Variants in YTHDC2 observed in about 807,000 individuals in gnomAD.
YTHDC2 encodes 3'-5' RNA helicase YTHDC2.
Under a neutral mutation model 174.9 loss-of-function variants are expected in YTHDC2, and 45 were observed. That is an observed-to-expected ratio of 0.26 (90% CI 0.20 to 0.33). YTHDC2 has a LOEUF of 0.33. Among genes scored for constraint, YTHDC2 ranks in the 10% least tolerant of loss-of-function variants. The probability of loss-of-function intolerance (pLI) is 1.00; values close to 1 mark genes in which losing one functional copy is unlikely to be tolerated. For synonymous variants in YTHDC2, 657 were observed against 574.5 expected (o/e 1.14, Z -2.05); for missense variants, 1,650 against 1,723.7 (o/e 0.96, Z 0.76).
Position 113,584,294 on chromosome 5 carries a change from T to G in YTHDC2, c.3648-8T>G. 6.2e-7 allele frequency: 1 copy of G among 1,602,128 alleles called. No individual in the cohort carries two copies. Among genetic ancestry groups the G allele is most frequent in the Non-Finnish European group, 8.5e-7 (1 of 1,174,380 alleles). ...TAACTGATCTTTGCTTCCTCCTTCT[T>G]GCTCAAGAGTACTGATGAAATCTCC... On this transcript the variant is annotated splice_polypyrimidine_tract_variant and splice_region_variant and intron_variant, in intron 25 of 29. Coordinates refer to ENST00000161863, the MANE Select transcript of YTHDC2 (RefSeq NM_022828.5).
intron 6 of YTHDC2, among the ~76,000 whole-genome samples, chr5:113,535,162 C>T (rs980673063): frequency 6.6e-6 from 1 of 152,126 alleles, no homozygotes; most frequent in East Asian, 1.9e-4. Context: ...CAAACAACTG[C>T]AGGTTGAAAA....
At chr5:113,541,786 T>C (rs1775490809) in intron 9 of YTHDC2, among the ~76,000 whole-genome samples, 1 of 152,002 alleles carries the variant, frequency 6.6e-6, no homozygotes, top group Non-Finnish European at 1.5e-5. Context: ...AAATATACTA[T>C]ATATATAATG....
intron 2 of YTHDC2, among the ~76,000 whole-genome samples, chr5:113,518,342 A>C (rs1200478669): frequency 6.6e-6 from 1 of 151,806 alleles, no homozygotes; most frequent in Non-Finnish European, 1.5e-5. Flanking sequence ...CTGGTACTAC[A>C]GGCATATGCT....
chr5:113,541,374 G>T (rs1003693200), intron 9 of YTHDC2, among the ~76,000 whole-genome samples: 3 of 151,956 alleles, frequency 2.0e-5, no homozygotes, highest in Non-Finnish European at 4.4e-5. Flanking sequence ...TGTATTTTTA[G>T]TAGAGACGGG....
intron 24 of YTHDC2, 172 bp from the exon 25 acceptor site, chr5:113,581,245 A>G: frequency 1.8e-6 from 1 of 553,830 alleles, no homozygotes; most frequent in Non-Finnish European, 2.8e-6. Context: ...CTAAAATATT[A>G]TAAATAAATT....
At chr5:113,527,948 G>A (rs1295043400) in intron 4 of YTHDC2, among the ~76,000 whole-genome samples, 3 of 152,058 alleles carry the variant, frequency 2.0e-5, no homozygotes, top group Admixed American at 6.6e-5. Flanking sequence ...CCGCCACCAC[G>A]CCTGACCCAG....
At chr5:113,526,845 A>T in intron 4 of YTHDC2, 60 bp downstream of exon 4, 2 of 377,996 alleles carry the variant, frequency 5.3e-6, no homozygotes, top group Non-Finnish European at 8.1e-6. Flanking sequence ...ATATATATAT[A>T]TATAGTCCCA....
chr5:113,573,267 CTTTTCTTT>C (rs1777845597), intron 23 of YTHDC2, among the ~76,000 whole-genome samples: 1 of 152,148 alleles, frequency 6.6e-6, no homozygotes, highest in Non-Finnish European at 1.5e-5. Context: ...GTTGGAAATT[CTTTTCTTT>C]AAGAGTGTTG....
At chr5:113,530,919 T>C (rs1774611584) in intron 4 of YTHDC2, among the ~76,000 whole-genome samples, 1 of 152,182 alleles carries the variant, frequency 6.6e-6, no homozygotes, top group African/African-American at 2.4e-5. Flanking sequence ...AAAGTCTTCA[T>C]TTCTTCTTCA....
At chr5:113,529,373 T>A (rs1774497835) in intron 4 of YTHDC2, among the ~76,000 whole-genome samples, 1 of 152,196 alleles carries the variant, frequency 6.6e-6, no homozygotes, top group South Asian at 2.1e-4. Flanking sequence ...TTTGTAGGAA[T>A]GTTTCAATAG....
At chr5:113,547,534 A>G (rs771408552) in intron 10 of YTHDC2, among the ~76,000 whole-genome samples, 23 of 152,176 alleles carry the variant, frequency 1.5e-4, no homozygotes, top group Non-Finnish European at 2.4e-4. Flanking sequence ...TCAGTTGTAA[A>G]AAATGTTCCA....
At chr5:113,584,557 CAATT>C in intron 26 of YTHDC2, 78 bp downstream of exon 26, 2 of 1,241,332 alleles carry the variant, frequency 1.6e-6, no homozygotes, top group Non-Finnish European at 1.1e-6. Flanking sequence ...AATTGTAAAA[CAATT>C]AGAGTACTTT....
chr5:113,524,934 A>G (rs1774114376), intron 2 of YTHDC2, 47 bp from the exon 3 acceptor site: 2 of 1,394,908 alleles, frequency 1.4e-6, no homozygotes, highest in South Asian at 1.4e-5. Flanking sequence ...TCATATGTGA[A>G]CAAGTTGACT....
At chr5:113,552,799 T>TTCTCCACACCC (rs1379123053) in intron 12 of YTHDC2, among the ~76,000 whole-genome samples, 1 of 152,122 alleles carries the variant, frequency 6.6e-6, no homozygotes, top group Non-Finnish European at 1.5e-5. Context: ...GGGTTTAAAT[T>TTCTCCACACCC]TCTCCACACC....
In YTHDC2 at chr5:113,548,658, C is replaced by G; in HGVS notation, c.1613C>G (p.Ser538Ter). The change falls in exon 11 of 30, where the codon TCA (serine) becomes TGA (stop). Residue 538 changes from serine (S) to a stop codon, truncating the protein, a stop_gained. Transcript: ENST00000161863. LOFTEE classifies it high-confidence loss of function. Reference protein sequence around the residue: ...SMGANVHSKASNGWMALDWAK... With the variant: ...SMGANVHSKA ...GGAGCCAATGTCCATAGTAAAGCAT[C>G]AAATGGCTGGTAATTTTAAACTACG... The G allele has an allele frequency of 1.2e-6, 2 of 1,605,692 alleles. No individual in the cohort carries two copies. Among genetic ancestry groups the G allele is most frequent in the Non-Finnish European group, 1.7e-6 (2 of 1,177,398 alleles).
intron 10 of YTHDC2, among the ~76,000 whole-genome samples, chr5:113,543,475 CT>C (rs1775625649): frequency 6.6e-6 from 1 of 152,208 alleles, no homozygotes; most frequent in South Asian, 2.1e-4. Flanking sequence ...TTCACTCCCC[CT>C]ACTGTACATT....
intron 2 of YTHDC2, among the ~76,000 whole-genome samples, chr5:113,516,027 A>G (rs1293510729): frequency 6.6e-6 from 1 of 152,240 alleles, no homozygotes; most frequent in Non-Finnish European, 1.5e-5. Flanking sequence ...CCTTCAGCTC[A>G]AAATAATCCT....
chr5:113,556,656 T>A (rs377389768), intron 17 of YTHDC2, among the ~76,000 whole-genome samples: 1 of 152,186 alleles, frequency 6.6e-6, no homozygotes, highest in Non-Finnish European at 1.5e-5. Flanking sequence ...ATGTACAACA[T>A]AGAGGAAAAA....
chr5:113,553,738 A>G, intron 14 of YTHDC2, 29 bp from the exon 15 acceptor site: 2 of 1,612,474 alleles, frequency 1.2e-6, no homozygotes, highest in South Asian at 2.2e-5. Flanking sequence ...CAGGTCTTAT[A>G]GTATGTTTTC....
Sources: allele counts gnomAD v4.1 joint callset (sites outside exome capture counted in the v4.1 genomes callset), GRCh38; gene constraint gnomAD v4.1.1; transcripts MANE v1.5; gene names NCBI Gene and HGNC (gene_info 2026-07-23, HGNC 2026-07-21).